NSUN4: variants seen among roughly 807,000 people sequenced by gnomAD.
NSUN4 encodes NOP2/Sun RNA methyltransferase 4.
In NSUN4, 31 loss-of-function variants were observed where a neutral mutation model predicts 43.8. That is an observed-to-expected ratio of 0.71 (90% CI 0.53 to 0.96). The LOEUF is 0.96. NSUN4 is among the 40% of genes least tolerant of loss of function. The probability of loss-of-function intolerance (pLI) is 0.00; values close to 1 mark genes in which losing one functional copy is unlikely to be tolerated. For missense variants in NSUN4, 439 were observed against 475.6 expected, an observed-to-expected ratio of 0.92 and a Z score of 0.72; for synonymous variants, 167 against 184.1, an observed-to-expected ratio of 0.91 and a Z score of 0.75.
intron 3 of NSUN4, among the ~76,000 whole-genome samples, chr1:46,348,384 G>A (rs1662682211): frequency 6.6e-6 from 1 of 152,106 alleles, no homozygotes; most frequent in Admixed American, 6.6e-5. Context: ...CTTGCCTTAG[G>A]GCTTTACTAG....
chr1:46,341,354 T>C (rs113817876), intron 1 of NSUN4: 4 of 994,644 alleles, frequency 4.0e-6, no homozygotes, highest in African/African-American at 3.5e-5. Flanking sequence ...GAAAATACCA[T>C]AGCGACCTTG....
In NSUN4 at chr1:46,346,934, G is replaced by T; in HGVS notation, c.451G>T (p.Gly151Cys). Residue 151 changes from glycine to cysteine, a missense_variant, in exon 3 of 6, where the codon GGT becomes TGT. Physicochemically the swap from Gly to Cys is radical, Grantham distance 159 (BLOSUM62 -3). Coordinates refer to ENST00000474844, the MANE Select transcript of NSUN4 (RefSeq NM_199044.4). The stretch of plus-strand genomic sequence containing the variant: ...CCTCTTTTCCAGACCTGGCAGCCTG[G>T]GTGTCATGGAGTACTACCTGATGGA... ...RFPPARPGSL[G>C]VMEYYLMDAA... 1 of 1,613,486 alleles carries T rather than the reference G, an allele frequency of 6.2e-7. No homozygotes were observed. Among genetic ancestry groups the T allele is most frequent in the Non-Finnish European group, 8.5e-7 (1 of 1,179,770 alleles).
chr1:46,347,628 TACAC>T (rs1296324402), intron 3 of NSUN4, among the ~76,000 whole-genome samples: 3 of 152,222 alleles, frequency 2.0e-5, no homozygotes, highest in African/African-American at 7.2e-5. Flanking sequence ...GATCACATGA[TACAC>T]ACTCCTCTTC....
chr1:46,383,344 G>A, the NSUN4 span, among the ~76,000 whole-genome samples: 1 of 152,116 alleles, frequency 6.6e-6, no homozygotes, highest in Non-Finnish European at 1.5e-5. Flanking sequence ...TGTGGTGCAT[G>A]ACCAGCCTCC....
chr1:46,352,409 G>A (rs1300451424), intron 3 of NSUN4, among the ~76,000 whole-genome samples: 2 of 151,622 alleles, frequency 1.3e-5, no homozygotes, highest in African/African-American at 2.4e-5. Context: ...CTGAGAGTGT[G>A]CCACTGAACT....
At chr1:46,350,757 T>C (rs1475389) in intron 3 of NSUN4, among the ~76,000 whole-genome samples, 34,098 of 152,136 alleles carry the variant, frequency 0.22, 4,286 homozygotes, top group Non-Finnish European at 0.29. Context: ...GCTCCACAAT[T>C]ATCAGGGACT....
intron 4 of NSUN4, among the ~76,000 whole-genome samples, chr1:46,353,395 G>A (rs541500697): frequency 1.3e-5 from 2 of 152,122 alleles, no homozygotes; most frequent in African/African-American, 2.4e-5. Flanking sequence ...AATTCAGAAG[G>A]CACAAAAGAG....
chr1:46,349,430 G>A (rs942862609), intron 3 of NSUN4, among the ~76,000 whole-genome samples: 10 of 152,108 alleles, frequency 6.6e-5, no homozygotes, highest in East Asian at 5.8e-4. Flanking sequence ...GTGAGCCACC[G>A]CGCCTGGCGC....
At chr1:46,380,698 A>T in the NSUN4 span, among the ~76,000 whole-genome samples, 3 of 152,194 alleles carry the variant, frequency 2.0e-5, no homozygotes, top group African/African-American at 7.2e-5. Flanking sequence ...AAGGAAACTG[A>T]GGCACAAGAG....
intron 4 of NSUN4, 41 bp from the exon 5 acceptor site, chr1:46,360,663 A>G (rs978569257): frequency 4.4e-6 from 7 of 1,605,294 alleles, no homozygotes; most frequent in Admixed American, 1.7e-5. Context: ...AGAGAAGCCT[A>G]TAAGGATCTT....
the NSUN4 span, among the ~76,000 whole-genome samples, chr1:46,384,825 C>T: frequency 6.1e-3 from 931 of 152,158 alleles, 14 homozygotes; most frequent in African/African-American, 0.022. Context: ...TTCTTTCCAC[C>T]CTTTGACGAG....
intron 3 of NSUN4, among the ~76,000 whole-genome samples, chr1:46,348,352 G>T (rs181280734): frequency 2.6e-5 from 4 of 152,168 alleles, no homozygotes; most frequent in African/African-American, 9.7e-5. Context: ...CACAGCATGG[G>T]TATCGCCCTT....
At chr1:46,343,729 A>G (rs1467893931) in intron 1 of NSUN4, 5 of 400,530 alleles carry the variant, frequency 1.2e-5, no homozygotes, top group Non-Finnish European at 2.2e-5. Flanking sequence ...GAGAGTCCCC[A>G]ACTTAGCATA....
At chr1:46,357,321 A>G (rs1557742844) in intron 4 of NSUN4, among the ~76,000 whole-genome samples, 1 of 152,184 alleles carries the variant, frequency 6.6e-6, no homozygotes, top group African/African-American at 2.4e-5. Context: ...CTGGGAGTAC[A>G]GGCATGTGCC....
chr1:46,340,954 G>T, intron 1 of NSUN4, 35 bp downstream of exon 1: 1 of 1,563,148 alleles, frequency 6.4e-7, no homozygotes, highest in East Asian at 2.3e-5. Flanking sequence ...AGGGAAAAGT[G>T]AGGGTGGAAA....
chr1:46,376,712 ATGTGTGTGTGTGTGTGTG>A, the NSUN4 span, among the ~76,000 whole-genome samples: 1 of 148,284 alleles, frequency 6.7e-6, no homozygotes, highest in Admixed American at 6.7e-5. Flanking sequence ...TTTAGAGAGC[ATGTGTGTGTGTGTGTGTG>A]TGTGTGTGTG....
the NSUN4 span, among the ~76,000 whole-genome samples, chr1:46,376,317 G>A: frequency 6.6e-6 from 1 of 151,674 alleles, no homozygotes; most frequent in African/African-American, 2.4e-5. Flanking sequence ...GGCTGAGGCA[G>A]GGGAATTGCT....
At position 46,361,858 on chromosome 1, in the gene NSUN4, C is replaced by T. The variant is rs570229019; in HGVS notation, c.*12C>T. 1 of 1,609,952 alleles carries T rather than the reference C, an allele frequency of 6.2e-7. No individual in the cohort carries two copies. The highest frequency in any genetic ancestry group is 2.2e-5 in the East Asian group (1 of 44,844). ...GTAGGCTGACATAGTATCACCCAAT[C>T]CCTGAAGCAAGAATACAAAGGGTAT... is the stretch of plus-strand genomic sequence containing the variant. On this transcript the variant is annotated 3_prime_UTR_variant, in exon 6 of 6. Coordinates refer to ENST00000474844, the MANE Select transcript of NSUN4 (RefSeq NM_199044.4).
At position 46,344,889 on chromosome 1, in the gene NSUN4, C is replaced by T. The variant is rs764677229; in HGVS notation, c.182C>T (p.Pro61Leu). The T allele has an allele frequency of 1.1e-5, 18 of 1,614,064 alleles. No homozygotes were observed. The highest frequency in any genetic ancestry group is 1.4e-5 in the Non-Finnish European group (17 of 1,180,038). The part of the protein sequence containing the change: ...TYSVQFGDLW[P>L]SIRVSLLSEQ... ...AGTGTGCAGTTTGGAGATCTTTGGC[C>T]ATCAATCCGTGTCAGTCTCCTCTCA... The change falls in exon 2 of 6, where the codon CCA becomes CTA. Residue 61 changes from proline (P) to leucine (L), a missense_variant. Pro to Leu is a moderately conservative substitution (Grantham distance 98). Coordinates refer to ENST00000474844, the MANE Select transcript of NSUN4 (RefSeq NM_199044.4).
Sources: gnomAD v4.1 joint callset for allele counts (sites outside exome capture counted in the v4.1 genomes callset) on GRCh38, gnomAD v4.1.1 for gene constraint, MANE v1.5 for transcripts, NCBI Gene and HGNC (gene_info 2026-07-23, HGNC 2026-07-21) for gene names.